Variants in EPB41L2 observed in about 807,000 individuals in gnomAD.
EPB41L2 encodes erythrocyte membrane protein band 4.1 like 2.
In EPB41L2, 43 loss-of-function variants were observed where a neutral mutation model predicts 113.0. That is an observed-to-expected ratio of 0.38 (90% CI 0.30 to 0.49). The LOEUF is 0.49. Among genes scored for constraint, EPB41L2 ranks in the 20% least tolerant of loss-of-function variants. The pLI is 0.95. For synonymous variants in EPB41L2, 442 were observed against 436.7 expected (o/e 1.01, Z -0.15); for missense variants, 1,147 against 1,223.4 (o/e 0.94, Z 0.93).
Position 130,904,467 on chromosome 6 carries a change from G to C in EPB41L2, c.927C>G (p.Thr309=). ...TTAAAAATGCAAATATAAAGTACCT[G>C]GTGATATCTTCAGTCAATTGAGAAG... ...PDPSQLTEDI[T]RYFLCLQLRQ... Residue 309 remains threonine (T), a splice_region_variant and synonymous_variant, in exon 6 of 20, where the codon ACC becomes ACG. Coordinates refer to ENST00000337057, the MANE Select transcript of EPB41L2 (RefSeq NM_001431.4). 6.3e-7 allele frequency: 1 copy of C among 1,576,126 alleles called. No individual in the cohort carries two copies. Among genetic ancestry groups the C allele is most frequent in the South Asian group, 1.2e-5 (1 of 86,154 alleles).
chr6:131,054,361 C>A (rs1348278182), intron 1 of EPB41L2, among the ~76,000 whole-genome samples: 1 of 152,206 alleles, frequency 6.6e-6, no homozygotes, highest in Non-Finnish European at 1.5e-5. Flanking sequence ...CAAGTTTCTG[C>A]TAGCTTCTGC....
chr6:130,864,784 T>A (rs1465828183), intron 17 of EPB41L2, among the ~76,000 whole-genome samples: 1 of 152,200 alleles, frequency 6.6e-6, no homozygotes, highest in African/African-American at 2.4e-5. Flanking sequence ...ACTTTTGCTG[T>A]TTTTTAAATT....
At chr6:130,843,935 A>C (rs925857715) in intron 19 of EPB41L2, among the ~76,000 whole-genome samples, 2 of 152,214 alleles carry the variant, frequency 1.3e-5, no homozygotes, top group African/African-American at 4.8e-5. Flanking sequence ...AAGTCCATAC[A>C]TACAAGTTCT....
intron 19 of EPB41L2, among the ~76,000 whole-genome samples, chr6:130,852,649 A>G (rs1024898543): frequency 2.1e-4 from 32 of 152,208 alleles, no homozygotes; most frequent in African/African-American, 7.7e-4. Context: ...CTGACCGTCA[A>G]CAAGTCACAA....
intron 1 of EPB41L2, among the ~76,000 whole-genome samples, chr6:130,996,160 G>T (rs1280435986): frequency 6.6e-6 from 1 of 152,106 alleles, no homozygotes; most frequent in Non-Finnish European, 1.5e-5. Flanking sequence ...TAAAGAGTTG[G>T]TTTCTGCCAT....
intron 1 of EPB41L2, among the ~76,000 whole-genome samples, chr6:131,046,267 C>A (rs1003990259): frequency 6.6e-6 from 1 of 151,854 alleles, no homozygotes; most frequent in African/African-American, 2.4e-5. Flanking sequence ...TCTCCACACA[C>A]AGAGATGAAT....
intron 1 of EPB41L2, among the ~76,000 whole-genome samples, chr6:131,034,886 A>G (rs988256525): frequency 6.6e-6 from 1 of 152,198 alleles, no homozygotes; most frequent in Admixed American, 6.5e-5. Context: ...CTTAAATCCT[A>G]GAAAAATGCA....
chr6:131,039,817 G>C (rs1189863918), intron 1 of EPB41L2, among the ~76,000 whole-genome samples: 3 of 149,712 alleles, frequency 2.0e-5, no homozygotes, highest in Admixed American at 1.3e-4. Flanking sequence ...AGTCAAAAAT[G>C]ATACTCAAAA....
At chr6:130,861,290 T>C (rs1582777217) in intron 18 of EPB41L2, among the ~76,000 whole-genome samples, 1 of 151,822 alleles carries the variant, frequency 6.6e-6, no homozygotes, top group Admixed American at 6.6e-5. Context: ...GCCAGGATGG[T>C]CTCCATCTCC....
At chr6:130,966,042 CA>C (rs11294800) in intron 1 of EPB41L2, among the ~76,000 whole-genome samples, 121,377 of 151,456 alleles carry the variant, frequency 0.8, 49,352 homozygotes, top group East Asian at 1. Context: ...AAAAAAATTG[CA>C]AAAAAAAAAT....
At chr6:131,033,716 T>G (rs1363559701) in intron 1 of EPB41L2, among the ~76,000 whole-genome samples, 2 of 152,344 alleles carry the variant, frequency 1.3e-5, no homozygotes, top group East Asian at 3.9e-4. Flanking sequence ...TCCACTTTTA[T>G]GAAGTACTGA....
At chr6:131,024,161 C>T (rs927034660) in intron 1 of EPB41L2, among the ~76,000 whole-genome samples, 17 of 148,564 alleles carry the variant, frequency 1.1e-4, no homozygotes, top group African/African-American at 3.9e-4. Flanking sequence ...AGAATGAACA[C>T]TTTTTTTTTT....
chr6:130,849,024 A>C (rs756498016), intron 19 of EPB41L2, among the ~76,000 whole-genome samples: 1 of 152,218 alleles, frequency 6.6e-6, no homozygotes, highest in Non-Finnish European at 1.5e-5. Context: ...GGACAGGGTA[A>C]CAAAGTCATA....
At chr6:130,858,288 C>G in intron 18 of EPB41L2, 45 bp from the exon 19 acceptor site, 2 of 1,498,878 alleles carry the variant, frequency 1.3e-6, no homozygotes, top group African/African-American at 2.7e-5. Context: ...GGGGAACAGC[C>G]TCCACCTCAC....
intron 1 of EPB41L2, among the ~76,000 whole-genome samples, chr6:131,046,618 C>T (rs1311059540): frequency 6.6e-6 from 1 of 152,150 alleles, no homozygotes; most frequent in Non-Finnish European, 1.5e-5. Flanking sequence ...TTTCACCTTT[C>T]GATGCTACTG....
chr6:130,841,129 T>G (rs141842300), intron 19 of EPB41L2, among the ~76,000 whole-genome samples: 45 of 151,610 alleles, frequency 3.0e-4, no homozygotes, highest in Non-Finnish European at 5.2e-4. Context: ...ATTACTAAAG[T>G]TGAGCATTGG....
At chr6:130,914,470 T>C (rs968766227) in intron 4 of EPB41L2, among the ~76,000 whole-genome samples, 1 of 152,222 alleles carries the variant, frequency 6.6e-6, no homozygotes, top group Admixed American at 6.5e-5. Flanking sequence ...TCTATATGAC[T>C]AGTCTAAGAG....
At position 130,920,926 on chromosome 6, in the gene EPB41L2, G is replaced by A. The variant is rs575215479; in HGVS notation, c.810+5679C>T. Among the ~76,000 whole-genome samples the A allele has an allele frequency of 3.8e-4, 58 of 152,122 alleles. No individual in the cohort carries two copies. In the Middle Eastern group the frequency reaches 0.014, roughly 36 times the overall value. On this transcript the variant is annotated intron_variant, in intron 4 of 19. Transcript: ENST00000337057. ...AAAATAAAAATTAAGTTCCATCTCC[G>A]CTCCCTAGCATACCTCAAACTGCTG... is the stretch of plus-strand genomic sequence containing the variant.
Position 130,872,729 on chromosome 6 carries a change from C to T in EPB41L2, c.2044-2603G>A, listed in dbSNP as rs79961422. On this transcript the variant is annotated intron_variant, in intron 14 of 19. Transcript: ENST00000337057. The stretch of plus-strand genomic sequence containing the variant: ...GGTTTGTGAGCGCCAGCTTTTCCAC[C>T]CTGCTTGAGAATCTTTGATAGTTGC... Among the ~76,000 whole-genome samples the T allele has an allele frequency of 8.5e-5, 13 of 152,252 alleles. No individual in the cohort carries two copies. In the East Asian group the frequency reaches 2.3e-3, roughly 27 times the overall value.
Sources: gnomAD v4.1 joint callset for allele counts (sites outside exome capture counted in the v4.1 genomes callset) on GRCh38, gnomAD v4.1.1 for gene constraint, MANE v1.5 for transcripts, NCBI Gene and HGNC (gene_info 2026-07-23, HGNC 2026-07-21) for gene names.